ADGRD2: variants seen among roughly 807,000 people sequenced by gnomAD.
ADGRD2 encodes G protein-coupled receptor PGR24.
In ADGRD2, 71 loss-of-function variants were observed where a neutral mutation model predicts 44.4. The observed-to-expected ratio is 1.60, with a 90% CI of 1.32 to 1.95. The LOEUF is 1.95. Among genes scored for constraint, ADGRD2 ranks in the 30% most tolerant of loss-of-function variants. The probability of loss-of-function intolerance (pLI) is 0.00; values close to 1 mark genes in which losing one functional copy is unlikely to be tolerated. For missense variants in ADGRD2, 1,039 were observed against 512.4 expected, an observed-to-expected ratio of 2.03 and a Z score of -9.92; for synonymous variants, 481 against 224.8, an observed-to-expected ratio of 2.14 and a Z score of -10.19.
chr9:124,469,626 G>A (rs1275724738), intron 16 of ADGRD2, 79 bp downstream of exon 19: 3 of 695,366 alleles, frequency 4.3e-6, no homozygotes, highest in East Asian at 5.4e-5. Flanking sequence ...CTCACTGGGC[G>A]AGAGCACGTG....
Position 124,455,146 on chromosome 9 carries a change from G to A in ADGRD2, c.1393+19G>A. On this transcript the variant is annotated intron_variant, in intron 6 of 21. Coordinates refer to ENST00000334810, the Ensembl canonical transcript of ADGRD2. ...CCGTGAAGTGAGGCTGGCAGGGCTG[G>A]GTGGGGCAGGGGCCTGGGCTATGGT... 1 of 678,956 alleles carries A rather than the reference G, an allele frequency of 1.5e-6. No homozygotes were observed. Among genetic ancestry groups the A allele is most frequent in the Admixed American group, 2.1e-5 (1 of 48,452 alleles). The allele number at this position is 678,956 out of a possible 1,614,324, so 42.1% of individuals were successfully genotyped here.
chr9:124,451,998 C>CCGGGGGGGGGGGG, upstream of ADGRD2: 1 of 335,356 alleles, frequency 3.0e-6, no homozygotes, highest in Non-Finnish European at 5.9e-6. Flanking sequence ...CCACTGAATG[C>CCGGGGGGGGGGGG]CCCCCTCCCA....
chr9:124,458,482 C>T, intron 9 of ADGRD2, 134 bp from the exon 13 acceptor site: 1 of 629,634 alleles, frequency 1.6e-6, no homozygotes, highest in South Asian at 1.9e-5. Context: ...AAGACTGAAC[C>T]AGGTGCCACA....
chr9:124,453,150 G>C, exon 3 of ADGRD2: 1 of 701,258 alleles, frequency 1.4e-6, no homozygotes, highest in Admixed American at 2.0e-5. Flanking sequence ...ACGTGCAGTG[G>C]GACTGTGCCT....
chr9:124,457,731 A>G (rs1831644913), intron 8 of ADGRD2, 125 bp downstream of exon 11: 1 of 551,880 alleles, frequency 1.8e-6, no homozygotes, highest in Non-Finnish European at 3.2e-6. Context: ...AAATGGGCAC[A>G]TTACTACTTG....
intron 3 of ADGRD2, 107 bp from the exon 7 acceptor site, chr9:124,453,892 A>G: frequency 1.8e-6 from 1 of 561,328 alleles, no homozygotes; most frequent in Non-Finnish European, 3.2e-6. Context: ...CGAGCTGGCA[A>G]CAGTGTCCCT....
At chr9:124,477,436 T>G (rs1030425187) in intron 21 of ADGRD2, among the ~76,000 whole-genome samples, 1 of 152,116 alleles carries the variant, frequency 6.6e-6, no homozygotes, top group Non-Finnish European at 1.5e-5. Flanking sequence ...CAGGGGCAGG[T>G]TCAGTGCTCA....
chr9:124,453,973 C>T, intron 3 of ADGRD2, 26 bp from the exon 7 acceptor site: 1 of 647,518 alleles, frequency 1.5e-6, no homozygotes, highest in Non-Finnish European at 2.8e-6. Flanking sequence ...CCTAGGGAGC[C>T]CTGACAGCTC....
chr9:124,453,702 A>G lies in ADGRD2; in HGVS notation c.923+26A>G, dbSNP rs765088457. On this transcript the variant is annotated intron_variant, in intron 3 of 21. Coordinates refer to ENST00000334810, the Ensembl canonical transcript of ADGRD2. ...GTACGACCCGCCCCGCCCCGGCCCCACCCCATGGCCCCGAATCCTTCCCTT... is the reference window on the plus strand; with the variant it reads ...GTACGACCCGCCCCGCCCCGGCCCCGCCCCATGGCCCCGAATCCTTCCCTT... 9.9e-3 allele frequency: 1,719 copies of G among 174,442 alleles called. 4 individuals are homozygous for G. The highest frequency in any genetic ancestry group is 0.014 in the Non-Finnish European group (1,304 of 92,922). 10.8% of individuals were successfully genotyped at this position (174,442 alleles called of 1,614,324 possible).
At chr9:124,452,857 C>T in intron 2 of ADGRD2, 135 bp downstream of exon 5, 2 of 612,772 alleles carry the variant, frequency 3.3e-6, no homozygotes, top group Admixed American at 2.7e-5. Context: ...TTCCTTTGCC[C>T]TGGACTGGGC....
Position 124,454,472 on chromosome 9 carries a change from A to T in ADGRD2, c.1023-12A>T. The stretch of plus-strand genomic sequence containing the variant: ...TTGCCCGGGGCCTAGCCTGGCATCC[A>T]CTCCTTTGCAGAGCCCTATCGTCGG... On this transcript the variant is annotated splice_polypyrimidine_tract_variant and intron_variant, in intron 4 of 21. Coordinates refer to ENST00000334810, the Ensembl canonical transcript of ADGRD2. This position sits in a 1 kb window ranked among gnomAD's most constrained non-coding sequence, Gnocchi z 4.5. 1.4e-6 allele frequency: 1 copy of T among 705,282 alleles called. No homozygotes were observed. The highest frequency in any genetic ancestry group is 2.7e-6 in the Non-Finnish European group (1 of 374,778). 43.7% of individuals were successfully genotyped at this position (705,282 alleles called of 1,614,324 possible). A position where few individuals can be genotyped will look rare whatever the true frequency, so the allele number is the denominator to read the frequency against.
chr9:124,452,274 C>T, intron 1 of ADGRD2, 120 bp downstream of exon 4: 1 of 635,238 alleles, frequency 1.6e-6, no homozygotes, highest in Admixed American at 2.6e-5. Context: ...AGTTCCACCC[C>T]CACCATACCA....
chr9:124,470,279 C>T (rs542551452), intron 16 of ADGRD2, among the ~76,000 whole-genome samples: 26 of 152,354 alleles, frequency 1.7e-4, no homozygotes, highest in Non-Finnish European at 2.8e-4. Context: ...TCCCAAGTGC[C>T]GCTACCCTAC....
chr9:124,453,932 CG>C, intron 3 of ADGRD2, 66 bp from the exon 7 acceptor site: 1 of 610,740 alleles, frequency 1.6e-6, no homozygotes. Context: ...CACCTAACCC[CG>C]GGGCCGTGCG....
intron 10 of ADGRD2, among the ~76,000 whole-genome samples, chr9:124,464,315 A>C (rs895195614): frequency 6.6e-6 from 1 of 152,208 alleles, no homozygotes; most frequent in Admixed American, 6.5e-5. Context: ...ATTTTACTTA[A>C]GCTGTTTTCT....
At position 124,454,483 on chromosome 9, in the gene ADGRD2, GAGC is replaced by G; in HGVS notation, c.1023_1025del (p.Glu342_Pro343delinsAla). ...CTAGCCTGGCATCCACTCCTTTGCA[GAGC>G]CCTATCGTCGGCTGCAGGATGCCCA... On this transcript the variant is annotated inframe_deletion and splice_region_variant, in exon 5 of 22. Coordinates refer to ENST00000334810, the Ensembl canonical transcript of ADGRD2. The surrounding 1 kb of genome is among the most constrained non-coding windows in gnomAD (Gnocchi z 4.5). 3 of 713,422 alleles carry G rather than the reference GAGC, an allele frequency of 4.2e-6. No individual in the cohort carries two copies. Among genetic ancestry groups the G allele is most frequent in the Non-Finnish European group, 7.9e-6 (3 of 381,094 alleles). The allele number at this position is 713,422 out of a possible 1,614,324, so 44.2% of individuals were successfully genotyped here.
At position 124,476,824 on chromosome 9, in the gene ADGRD2, T is replaced by G. The variant is rs903987762; in HGVS notation, c.*18+115T>G. The G allele has an allele frequency of 7.4e-6, 5 of 673,992 alleles. No individual in the cohort carries two copies. The African/African-American group carries it at 8.8e-5, about 12-fold the overall frequency. 41.8% of individuals were successfully genotyped at this position (673,992 alleles called of 1,614,324 possible). On this transcript the variant is annotated intron_variant, in intron 21 of 21. Coordinates refer to ENST00000334810, the Ensembl canonical transcript of ADGRD2. ...ATTAATACGCCCAACCTCCCGCAAT[T>G]GCAGAGGCCCTCCCCTCACTCCACA...
chr9:124,469,086 C>T, intron 14 of ADGRD2, 136 bp from the exon 18 acceptor site: 1 of 610,542 alleles, frequency 1.6e-6, no homozygotes. Context: ...AGCCCCCAGC[C>T]CTGCTCCTTG....
intron 13 of ADGRD2, 45 bp from the exon 17 acceptor site, chr9:124,468,474 T>C (rs1831876046): frequency 1.4e-6 from 1 of 717,056 alleles, no homozygotes; most frequent in Non-Finnish European, 2.6e-6. Flanking sequence ...GGCCTGCACC[T>C]GCGTCTGACC....
Sources: gnomAD v4.1 joint callset for allele counts (sites outside exome capture counted in the v4.1 genomes callset) on GRCh38, gnomAD v4.1.1 for gene constraint, Gnocchi (gnomAD v3.1) non-coding constraint, MANE v1.5 for transcripts, NCBI Gene and HGNC (gene_info 2026-07-23, HGNC 2026-07-21) for gene names.